The following UGGT2 variants were observed in gnomAD, a reference collection of about 807,000 sequenced individuals.
UGGT2 encodes the protein UDP-glucose:glycoprotein glucosyltransferase 2.
In UGGT2, 180 loss-of-function variants were observed where a neutral mutation model predicts 192.1. The ratio of observed to expected loss-of-function variants is 0.94; its 90% confidence interval spans 0.83 to 1.06. UGGT2 has a LOEUF of 1.06. Ranked by LOEUF, UGGT2 falls within the 50% of genes least tolerant of loss-of-function variation. The pLI, the probability that UGGT2 is intolerant of heterozygous loss-of-function variation, is 0.00. For synonymous variants in UGGT2, 580 were observed against 591.0 expected (o/e 0.98, Z 0.27); for missense variants, 1,849 against 1,795.7 (o/e 1.03, Z -0.54).
At chr13:95,930,039 T>A (rs774048305) in intron 17 of UGGT2, among the ~76,000 whole-genome samples, 16 of 152,242 alleles carry the variant, frequency 1.1e-4, no homozygotes, top group Non-Finnish European at 1.9e-4. Flanking sequence ...ATTAGTAGTG[T>A]TGAACATTTC....
At chr13:95,992,285 A>G (rs1294710358) in intron 7 of UGGT2, among the ~76,000 whole-genome samples, 2 of 152,190 alleles carry the variant, frequency 1.3e-5, no homozygotes, top group Non-Finnish European at 2.9e-5. Flanking sequence ...GATTGGCAGT[A>G]TGGCCATTTT....
At chr13:96,035,619 C>A (rs1041782003) in intron 1 of UGGT2, among the ~76,000 whole-genome samples, 2 of 151,942 alleles carry the variant, frequency 1.3e-5, no homozygotes, top group Non-Finnish European at 2.9e-5. Flanking sequence ...AGAGTGAACA[C>A]ACAACCTACA....
intron 29 of UGGT2, among the ~76,000 whole-genome samples, chr13:95,869,747 G>A (rs1891059528): frequency 6.6e-6 from 1 of 152,180 alleles, no homozygotes; most frequent in African/African-American, 2.4e-5. Context: ...AAGGGAACAA[G>A]CTAAGCAGTC....
At chr13:95,966,981 A>T (rs1413221924) in intron 12 of UGGT2, among the ~76,000 whole-genome samples, 1 of 152,214 alleles carries the variant, frequency 6.6e-6, no homozygotes, top group Admixed American at 6.5e-5. Flanking sequence ...TGTAAAATTT[A>T]TAACGCTTCT....
chr13:95,864,332 T>C lies in UGGT2; in HGVS notation c.3559-618A>G, dbSNP rs1402880001. 2.0e-5 allele frequency among the ~76,000 whole-genome samples: 3 copies of C among 152,192 alleles called. No homozygotes were observed. In the East Asian group the frequency reaches 5.8e-4, roughly 29 times the overall value. ...TTTACATTTAGTTCAGTAGACATAA[T>C]TGTTGCATTTTGCTATGGTGATTCT... On this transcript the variant is annotated intron_variant, in intron 30 of 38. Coordinates refer to ENST00000376747, the MANE Select transcript of UGGT2 (RefSeq NM_020121.4).
At chr13:95,910,100 A>G (rs1376470299) in intron 20 of UGGT2, among the ~76,000 whole-genome samples, 2 of 152,212 alleles carry the variant, frequency 1.3e-5, no homozygotes, top group Admixed American at 6.5e-5. Context: ...AGCACTAAAC[A>G]TGGAAAGGAA....
chr13:95,907,097 G>A (rs1308353890), intron 20 of UGGT2, among the ~76,000 whole-genome samples: 1 of 152,210 alleles, frequency 6.6e-6, no homozygotes, highest in African/African-American at 2.4e-5. Flanking sequence ...CAGCAGACAA[G>A]GTGATTCTCT....
chr13:95,837,508 T>C (rs538483266), intron 36 of UGGT2, among the ~76,000 whole-genome samples: 1 of 152,314 alleles, frequency 6.6e-6, no homozygotes, highest in South Asian at 2.1e-4. Flanking sequence ...ACTACCTCTA[T>C]CTGCCTCTAT....
chr13:95,914,525 A>G (rs144608260), intron 20 of UGGT2, among the ~76,000 whole-genome samples: 2,118 of 149,742 alleles, frequency 0.014, 27 homozygotes, highest in South Asian at 0.056. Context: ...CTATAATCCC[A>G]GCACTTTGGG....
At chr13:96,016,307 A>C (rs1178954408) in intron 4 of UGGT2, among the ~76,000 whole-genome samples, 1 of 152,192 alleles carries the variant, frequency 6.6e-6, no homozygotes, top group Non-Finnish European at 1.5e-5. Flanking sequence ...TGCATGACTA[A>C]AAGGGAGCCA....
chr13:95,856,026 T>C (rs1001804159), intron 34 of UGGT2, 132 bp downstream of exon 34: 1 of 703,348 alleles, frequency 1.4e-6, no homozygotes, highest in Non-Finnish European at 2.1e-6. Context: ...ATACTTTGCT[T>C]ATATATCACA....
chr13:95,958,269 A>T (rs761884175), intron 12 of UGGT2, among the ~76,000 whole-genome samples: 5 of 151,880 alleles, frequency 3.3e-5, no homozygotes, highest in Non-Finnish European at 7.4e-5. Context: ...CTCCTGCCTC[A>T]GCCTCCCGAG....
At position 96,039,131 on chromosome 13, in the gene UGGT2, C is replaced by G. The variant is rs1446303990; in HGVS notation, c.159-7160G>C. Among the ~76,000 whole-genome samples, 4 of 152,220 alleles carry G rather than the reference C, an allele frequency of 2.6e-5. No individual in the cohort carries two copies. The East Asian group carries it at 7.7e-4, about 29-fold the overall frequency. On this transcript the variant is annotated intron_variant, in intron 1 of 38. Coordinates refer to ENST00000376747, the MANE Select transcript of UGGT2 (RefSeq NM_020121.4). Reference sequence around the variant, plus strand: ...TGTTTCAAAGCCTGAGAATAACTCTCTGTGGCCTGATGCTTCACCCTCTGT... The same window carrying G: ...TGTTTCAAAGCCTGAGAATAACTCTGTGTGGCCTGATGCTTCACCCTCTGT...
In UGGT2 at chr13:95,877,768, C is replaced by T. The variant is rs373568136; in HGVS notation, c.3317G>A (p.Arg1106Gln). The change falls in exon 28 of 39, where the codon CGG (arginine) becomes CAG (glutamine). Residue 1106 changes from arginine (R) to glutamine (Q), a missense_variant. By Grantham distance (43) the Arg-to-Gln change is conservative. Transcript: ENST00000376747. ...TGTGCCTAGTGTGAACTGCAGACCCCGAGGAGGCTGTTCTGTCACTTTATC... is the reference window on the plus strand; with the variant it reads ...TGTGCCTAGTGTGAACTGCAGACCCTGAGGAGGCTGTTCTGTCACTTTATC... ...CFDKVTEQPP[R>Q]GLQFTLGTKN... The T allele has an allele frequency of 1.2e-4, 201 of 1,613,856 alleles. No individual in the cohort carries two copies. The highest frequency in any genetic ancestry group is 3.6e-4 in the African/African-American group (27 of 74,880).
chr13:96,020,805 C>G (rs1434675169), intron 4 of UGGT2, among the ~76,000 whole-genome samples: 1 of 152,150 alleles, frequency 6.6e-6, no homozygotes, highest in Non-Finnish European at 1.5e-5. Context: ...TCCAAAACTA[C>G]CAAGAACTGT....
intron 10 of UGGT2, among the ~76,000 whole-genome samples, chr13:95,974,099 G>A (rs917907145): frequency 2.0e-5 from 3 of 152,162 alleles, no homozygotes; most frequent in African/African-American, 2.4e-5. Context: ...TTTTCTGTAC[G>A]ATTATCACTC....
At chr13:96,026,659 CTTTTT>C (rs71211702) in intron 2 of UGGT2, among the ~76,000 whole-genome samples, 8 of 101,532 alleles carry the variant, frequency 7.9e-5, no homozygotes, top group African/African-American at 2.2e-4. Flanking sequence ...TTTCACTCTT[CTTTTT>C]TTTTTTTTTT....
intron 36 of UGGT2, among the ~76,000 whole-genome samples, chr13:95,844,009 G>A (rs1392505503): frequency 6.6e-6 from 1 of 152,042 alleles, no homozygotes; most frequent in Non-Finnish European, 1.5e-5. Context: ...CGCCCAGGCT[G>A]GAGTGCAATG....
intron 1 of UGGT2, among the ~76,000 whole-genome samples, chr13:96,040,741 T>A (rs954653506): frequency 1.3e-5 from 2 of 152,014 alleles, no homozygotes; most frequent in South Asian, 4.2e-4. Flanking sequence ...TGGGGACAAT[T>A]TGTACAAGTG....
Sources: allele counts gnomAD v4.1 joint callset (sites outside exome capture counted in the v4.1 genomes callset), GRCh38; gene constraint gnomAD v4.1.1; transcripts MANE v1.5; gene names NCBI Gene and HGNC (gene_info 2026-07-23, HGNC 2026-07-21).